The following RXFP1 variants were observed in gnomAD, a reference collection of about 807,000 sequenced individuals.
RXFP1 encodes relaxin receptor 1.
Under a neutral mutation model 89.8 loss-of-function variants are expected in RXFP1, and 73 were observed. The ratio of observed to expected loss-of-function variants is 0.81; its 90% CI spans 0.67 to 0.99. The LOEUF (loss-of-function observed/expected upper bound fraction) is 0.99. Among genes scored for constraint, RXFP1 ranks in the 50% least tolerant of loss-of-function variants. The pLI is 0.00. For missense variants in RXFP1, 793 were observed against 895.5 expected (o/e 0.89, Z 1.46); for synonymous variants, 277 against 305.5 (o/e 0.91, Z 0.97).
intron 8 of RXFP1, among the ~76,000 whole-genome samples, chr4:158,616,035 A>G (rs1764500293): frequency 6.6e-6 from 1 of 152,252 alleles, no homozygotes; most frequent in Non-Finnish European, 1.5e-5. Flanking sequence ...TATTGGAGAA[A>G]TGGCATTCAT....
chr4:158,523,405 A>G (rs981813600), intron 1 of RXFP1, among the ~76,000 whole-genome samples: 1 of 152,190 alleles, frequency 6.6e-6, no homozygotes, highest in Admixed American at 6.5e-5. Context: ...AACTTTGGCC[A>G]CTGTGTTACC....
intron 1 of RXFP1, among the ~76,000 whole-genome samples, chr4:158,535,481 C>T (rs1560959672): frequency 6.6e-6 from 1 of 151,116 alleles, no homozygotes; most frequent in Admixed American, 6.6e-5. Context: ...ATGATCAAGT[C>T]GAATCAGCTA....
intron 3 of RXFP1, among the ~76,000 whole-genome samples, chr4:158,597,044 T>C (rs1760756403): frequency 6.6e-6 from 1 of 152,120 alleles, no homozygotes; most frequent in African/African-American, 2.4e-5. Context: ...TAAAGACAAT[T>C]TGTGGGGGGT....
rs145601547 is a variant in RXFP1, at chr4:158,643,821, C to T, written c.1116-1088C>T. ...TCTGAGGAACCCCCATATTGTTCTC[C>T]GTTCTCCATAGTGCCTATACTAATT... On this transcript the variant is annotated intron_variant, in intron 14 of 17. Transcript: ENST00000307765. Among the ~76,000 whole-genome samples the T allele has an allele frequency of 1.7e-3, 264 of 152,102 alleles. 1 individual carries two copies. The highest frequency in any genetic ancestry group is 0.01 in the Middle Eastern group (3 of 294).
At chr4:158,632,528 G>A (rs1055190726) in intron 11 of RXFP1, among the ~76,000 whole-genome samples, 1 of 152,048 alleles carries the variant, frequency 6.6e-6, no homozygotes, top group African/African-American at 2.4e-5. Context: ...AGAATCTGAG[G>A]CCTTTCACAT....
rs529344601 is a variant in RXFP1 at position 158,572,915 on chromosome 4, A to G, written c.187+80A>G. On this transcript the variant is annotated intron_variant, in intron 2 of 17. Transcript: ENST00000307765. ...TGAAGTCGCTGAGACTTCTCTCAAC[A>G]AAAAGACAAAACTAAATTGAAATAC... is the stretch of plus-strand genomic sequence containing the variant. The G allele has an allele frequency of 3.9e-6, 6 of 1,548,440 alleles. No homozygotes were observed. The African/African-American group carries it at 8.2e-5, about 21-fold the overall frequency.
At chr4:158,644,501 G>T (rs895558786) in intron 14 of RXFP1, among the ~76,000 whole-genome samples, 1 of 151,834 alleles carries the variant, frequency 6.6e-6, no homozygotes, top group Non-Finnish European at 1.5e-5. Context: ...GCACAGAAAA[G>T]AAAACACTTA....
At chr4:158,638,970 T>C (rs1769801425) in intron 13 of RXFP1, among the ~76,000 whole-genome samples, 1 of 152,194 alleles carries the variant, frequency 6.6e-6, no homozygotes, top group East Asian at 1.9e-4. Context: ...CAAAAGATAA[T>C]GCTTGTGCAT....
chr4:158,528,679 C>A (rs1258488115), intron 1 of RXFP1, among the ~76,000 whole-genome samples: 3 of 152,214 alleles, frequency 2.0e-5, no homozygotes, highest in Admixed American at 1.3e-4. Flanking sequence ...CTTGGGGTCA[C>A]CCCTCTAAGG....
intron 14 of RXFP1, among the ~76,000 whole-genome samples, chr4:158,641,986 CTG>C (rs1343885878): frequency 6.6e-6 from 1 of 152,166 alleles, no homozygotes; most frequent in African/African-American, 2.4e-5. Context: ...GAAATTCTCT[CTG>C]TTGATGAAAG....
chr4:158,572,975 T>C (rs1755415492), intron 2 of RXFP1, 140 bp downstream of exon 2: 1 of 1,232,180 alleles, frequency 8.1e-7, no homozygotes, highest in Non-Finnish European at 1.1e-6. Context: ...CTTACACTTA[T>C]TTCAGTAGCT....
intron 12 of RXFP1, among the ~76,000 whole-genome samples, chr4:158,635,865 T>G (rs1026028135): frequency 2.0e-5 from 3 of 152,066 alleles, no homozygotes; most frequent in African/African-American, 7.2e-5. Context: ...TTTAATTTTG[T>G]TTTTGTAGAG....
chr4:158,633,998 A>T (rs1768631377), intron 12 of RXFP1, among the ~76,000 whole-genome samples: 1 of 152,210 alleles, frequency 6.6e-6, no homozygotes, highest in African/African-American at 2.4e-5. Context: ...GGGCGTACAA[A>T]TATCTGTTGA....
chr4:158,620,047 A>G (rs538947621), intron 9 of RXFP1, among the ~76,000 whole-genome samples: 3 of 152,356 alleles, frequency 2.0e-5, no homozygotes, highest in East Asian at 1.9e-4. Flanking sequence ...AGATTTTACA[A>G]CTTCCAAACA....
At chr4:158,587,888 G>A (rs1758602540) in intron 2 of RXFP1, among the ~76,000 whole-genome samples, 1 of 152,044 alleles carries the variant, frequency 6.6e-6, no homozygotes, top group Admixed American at 6.6e-5. Context: ...ACTTCTTTCA[G>A]GGCTAAATGC....
chr4:158,639,514 G>A (rs1399314909), intron 14 of RXFP1, among the ~76,000 whole-genome samples, 183 bp downstream of exon 14: 1 of 152,152 alleles, frequency 6.6e-6, no homozygotes, highest in African/African-American at 2.4e-5. Flanking sequence ...AGGAGGTAGG[G>A]CCTTTGGGAG....
rs749807802 is a variant in RXFP1, at chr4:158,646,907, G to A, written c.1462G>A (p.Val488Ile). Reference sequence around the variant, plus strand: ...GATGGAGAGTACTCATTGTCAGCTTGTAGGATCTTTGGCCATTCTGTCCAC... The same window carrying A: ...GATGGAGAGTACTCATTGTCAGCTTATAGGATCTTTGGCCATTCTGTCCAC... Reference protein sequence around the residue: ...LWMESTHCQLVGSLAILSTEV... With the variant: ...LWMESTHCQLIGSLAILSTEV... The change falls in exon 16 of 18, where the codon GTA (valine) becomes ATA (isoleucine). Residue 488 changes from valine to isoleucine, a missense_variant. Coordinates refer to ENST00000307765, the MANE Select transcript of RXFP1 (RefSeq NM_021634.4). 6.2e-7 allele frequency: 1 copy of A among 1,614,056 alleles called. No homozygotes were observed. The highest frequency in any genetic ancestry group is 2.2e-5 in the East Asian group (1 of 44,882).
At chr4:158,628,763 C>T in intron 11 of RXFP1, 54 bp downstream of exon 11, 1 of 938,810 alleles carries the variant, frequency 1.1e-6, no homozygotes, top group Non-Finnish European at 1.6e-6. Flanking sequence ...TGTTTTTTCA[C>T]ACTTGTACTT....
chr4:158,643,661 C>T (rs901416670), intron 14 of RXFP1, among the ~76,000 whole-genome samples: 6 of 151,358 alleles, frequency 4.0e-5, no homozygotes, highest in Admixed American at 1.3e-4. Context: ...TTAGTAGAGA[C>T]GGGTTTTCAC....
Sources: gnomAD v4.1 joint callset for allele counts (sites outside exome capture counted in the v4.1 genomes callset) on GRCh38, gnomAD v4.1.1 for gene constraint, MANE v1.5 for transcripts, NCBI Gene and HGNC (gene_info 2026-07-23, HGNC 2026-07-21) for gene names.